Variants in PDE10A observed in about 807,000 individuals in gnomAD.
PDE10A encodes cAMP and cAMP-inhibited cGMP 3',5'-cyclic phosphodiesterase 10A.
PDE10A carries 39 observed loss-of-function variants against 97.7 expected under a neutral mutation model. The observed-to-expected ratio is 0.40, with a 90% CI of 0.31 to 0.52. The LOEUF is 0.52. Ranked by LOEUF, PDE10A falls within the 20% of genes least tolerant of loss-of-function variation. The pLI, the probability that PDE10A is intolerant of heterozygous loss-of-function variation, is 0.56. For synonymous variants in PDE10A, 371 were observed against 376.8 expected (o/e 0.98, Z 0.18); for missense variants, 731 against 1,047.8 (o/e 0.70, Z 4.17).
chr6:165,574,644 G>A (rs1210420170), intron 1 of PDE10A, among the ~76,000 whole-genome samples: 3 of 152,108 alleles, frequency 2.0e-5, no homozygotes, highest in Non-Finnish European at 4.4e-5. Flanking sequence ...CGTACATTCT[G>A]AATAACAAAA....
intron 1 of PDE10A, among the ~76,000 whole-genome samples, chr6:165,843,872 G>A (rs1361102738): frequency 2.0e-5 from 3 of 152,230 alleles, no homozygotes; most frequent in Non-Finnish European, 2.9e-5. Flanking sequence ...CCTAAAGAGA[G>A]ACCTGTGTGG....
chr6:165,647,884 A>G (rs972610631), intron 1 of PDE10A, among the ~76,000 whole-genome samples: 35 of 152,214 alleles, frequency 2.3e-4, no homozygotes, highest in African/African-American at 8.4e-4. Context: ...ATCTCATTTA[A>G]TCTTCACCAC....
rs115526582 is a variant in PDE10A at position 165,860,808 on chromosome 6, C to T, written c.-615+126721G>A. On this transcript the variant is annotated intron_variant, in intron 1 of 19. Coordinates refer to the PDE10A transcript ENST00000366882. ...CCTGAGAGCAAACTCACAAAGGAGTCAGTCTGCACTAACCTGAGTCCCTGA... is the reference window on the plus strand; with the variant it reads ...CCTGAGAGCAAACTCACAAAGGAGTTAGTCTGCACTAACCTGAGTCCCTGA... Among the ~76,000 whole-genome samples the T allele has an allele frequency of 3.8e-3, 583 of 152,318 alleles. 2 individuals are homozygous for T. The highest frequency in any genetic ancestry group is 0.014 in the African/African-American group (566 of 41,574).
chr6:165,800,738 C>T (rs956236035), intron 1 of PDE10A, among the ~76,000 whole-genome samples: 5 of 152,192 alleles, frequency 3.3e-5, no homozygotes, highest in South Asian at 2.1e-4. Context: ...ACGACTACAA[C>T]GCAGAGCCCA....
chr6:165,429,799 G>C (rs944139561), intron 9 of PDE10A, among the ~76,000 whole-genome samples: 11 of 151,976 alleles, frequency 7.2e-5, no homozygotes, highest in Non-Finnish European at 1.3e-4. Context: ...GCCAGCCAAA[G>C]GGATTTTTTC....
At chr6:165,515,566 C>G (rs1781752669) in intron 2 of PDE10A, among the ~76,000 whole-genome samples, 1 of 142,924 alleles carries the variant, frequency 7.0e-6, no homozygotes, top group African/African-American at 2.7e-5. Context: ...CTCTGTCACA[C>G]AGGGTGGAGT....
intron 1 of PDE10A, among the ~76,000 whole-genome samples, chr6:165,860,028 G>A (rs1233993954): frequency 6.6e-6 from 1 of 152,122 alleles, no homozygotes; most frequent in Non-Finnish European, 1.5e-5. Context: ...ATGGACTTTG[G>A]GGACTCAGGG....
upstream of PDE10A, among the ~76,000 whole-genome samples, chr6:165,665,712 AG>A (rs1280928993): frequency 6.6e-6 from 1 of 152,176 alleles, no homozygotes; most frequent in Non-Finnish European, 1.5e-5. Flanking sequence ...AAAAACTAAA[AG>A]AATATTAAGA....
At chr6:165,812,594 T>C (rs182725219) in intron 1 of PDE10A, among the ~76,000 whole-genome samples, 136 of 152,228 alleles carry the variant, frequency 8.9e-4, no homozygotes, top group Admixed American at 2.1e-3. Context: ...AAGTTTGGAG[T>C]TGCTTTGGTA....
At chr6:165,608,099 T>C (rs1787307300) in intron 1 of PDE10A, among the ~76,000 whole-genome samples, 1 of 144,166 alleles carries the variant, frequency 6.9e-6, no homozygotes, top group Admixed American at 6.8e-5. Context: ...TATGTGCATA[T>C]ATATACATGT....
intron 3 of PDE10A, among the ~76,000 whole-genome samples, chr6:165,462,550 A>T (rs1778387725): frequency 6.6e-6 from 1 of 152,222 alleles, no homozygotes; most frequent in South Asian, 2.1e-4. Flanking sequence ...CCAGATGCCG[A>T]GGAAGAGATT....
intron 1 of PDE10A, among the ~76,000 whole-genome samples, chr6:165,720,788 G>C (rs982024618): frequency 6.6e-6 from 1 of 152,182 alleles, no homozygotes; most frequent in African/African-American, 2.4e-5. Context: ...TCTCAAACAA[G>C]TTTAGGATGA....
intron 17 of PDE10A, among the ~76,000 whole-genome samples, chr6:165,386,858 A>G (rs1023542644): frequency 5.3e-5 from 8 of 150,858 alleles, no homozygotes; most frequent in African/African-American, 1.7e-4. Context: ...AAAAATACAA[A>G]AAAAAAAATT....
intron 1 of PDE10A, among the ~76,000 whole-genome samples, chr6:165,963,923 G>A (rs1472814218): frequency 1.3e-5 from 2 of 152,190 alleles, no homozygotes; most frequent in African/African-American, 4.8e-5. Flanking sequence ...CCTTATCGAG[G>A]TTTGAAGGAA....
intron 21 of PDE10A, among the ~76,000 whole-genome samples, chr6:165,335,221 C>T (rs1183877392): frequency 6.6e-6 from 1 of 152,058 alleles, no homozygotes; most frequent in Non-Finnish European, 1.5e-5. Flanking sequence ...GAAGAGATAA[C>T]GATGCTTAAA....
At chr6:165,895,167 C>G (rs1781910388) in intron 1 of PDE10A, among the ~76,000 whole-genome samples, 2 of 148,468 alleles carry the variant, frequency 1.3e-5, no homozygotes, top group South Asian at 4.5e-4. Flanking sequence ...CTCCTAACTG[C>G]AGTACTTGAG....
chr6:165,418,128 C>T lies in PDE10A; in HGVS notation c.1796+507G>A, dbSNP rs1788452053. On this transcript the variant is annotated intron_variant, in intron 11 of 21. Coordinates refer to ENST00000539869, the MANE Select transcript of PDE10A (RefSeq NM_001385079.1). The surrounding 1 kb of genome is among the most constrained non-coding windows in gnomAD (Gnocchi z 4.8). ...CTGCCACTTAAAAAAACAAAGACTT[C>T]AGTTTCAAGATGCAACACAGGTGTG... Among the ~76,000 whole-genome samples, 1 of 152,162 alleles carries T rather than the reference C, an allele frequency of 6.6e-6. No individual in the cohort carries two copies. The highest frequency in any genetic ancestry group is 2.1e-4 in the South Asian group (1 of 4,834).
At position 165,688,102 on chromosome 6, in the gene PDE10A, C is replaced by T. The variant is rs186673182; in HGVS notation, c.-614-144534G>A. On this transcript the variant is annotated intron_variant, in intron 1 of 19. Coordinates refer to the PDE10A transcript ENST00000366882. ...CATGGAAAACATGCCACAGGTGCCACGTAGAGATACACATTTTCCTATGGT... is the reference window on the plus strand; with the variant it reads ...CATGGAAAACATGCCACAGGTGCCATGTAGAGATACACATTTTCCTATGGT... Among the ~76,000 whole-genome samples the T allele has an allele frequency of 4.3e-4, 65 of 152,314 alleles. No individual in the cohort carries two copies. In the East Asian group the frequency reaches 9.1e-3, roughly 21 times the overall value.
chr6:165,674,340 A>T (rs956560318), intron 1 of PDE10A, among the ~76,000 whole-genome samples: 1 of 152,082 alleles, frequency 6.6e-6, no homozygotes, highest in Non-Finnish European at 1.5e-5. Flanking sequence ...GAAAAAAAAA[A>T]AAAGGTGTGG....
Sources: allele counts gnomAD v4.1 joint callset (sites outside exome capture counted in the v4.1 genomes callset), GRCh38; gene constraint gnomAD v4.1.1; non-coding constraint Gnocchi (gnomAD v3.1); transcripts MANE v1.5; gene names NCBI Gene and HGNC (gene_info 2026-07-23, HGNC 2026-07-21).